CYLC1: variants seen among roughly 807,000 people sequenced by gnomAD.
CYLC1 encodes cylicin 1, also known as cylicin-1.
In CYLC1, 2 loss-of-function variants were observed where a neutral mutation model predicts 31.6. The ratio of observed to expected loss-of-function variants is 0.06; its 90% CI spans 0.03 to 0.20. The LOEUF (loss-of-function observed/expected upper bound fraction) is 0.20. Ranked by LOEUF, CYLC1 falls within the 10% of genes least tolerant of loss-of-function variation. CYLC1 has a pLI of 1.00. For missense variants in CYLC1, 595 were observed against 424.1 expected (o/e 1.40, Z -3.54); for synonymous variants, 185 against 153.0 (o/e 1.21, Z -1.54).
Position 83,871,494 on chromosome X carries a change from C to T in CYLC1, c.101C>T (p.Ala34Val). ...SRKSWNQKHF[A>V]LTFPKPLQRG... is the part of the protein sequence containing the mutation. ...AAATCATGGAATCAAAAACACTTTG[C>T]TTTGACATTTCCCAAACCACTCCAG... is the stretch of plus-strand genomic sequence containing the variant. The change falls in exon 3 of 5, where the codon GCT (alanine) becomes GTT (valine). Residue 34 changes from alanine to valine, a missense_variant. Physicochemically the swap from Ala to Val is moderately conservative, Grantham distance 64 (BLOSUM62 0). Coordinates refer to ENST00000329312, the MANE Select transcript of CYLC1 (RefSeq NM_021118.3). The T allele has an allele frequency of 8.3e-7, 1 of 1,204,336 alleles. No homozygotes were observed. Among genetic ancestry groups the T allele is most frequent in the East Asian group, 3.0e-5 (1 of 33,461 alleles).
chrX:83,877,847 T>C lies in CYLC1; in HGVS notation c.1923+3216T>C, dbSNP rs551744502. 1.5e-4 allele frequency among the ~76,000 whole-genome samples: 14 copies of C among 90,337 alleles called. No homozygotes were observed. The South Asian group carries it at 6.0e-3, about 38-fold the overall frequency. 78.4% of individuals were successfully genotyped at this position (90,337 alleles called of 115,157 possible). A position where few individuals can be genotyped will look rare whatever the true frequency, so the allele number is the denominator to read the frequency against. The stretch of plus-strand genomic sequence containing the variant: ...ATATTCAACATCAGAATTCAGGTTC[T>C]ATGCAGGCAGTGAATCTAGCCTGTT... On this transcript the variant is annotated intron_variant, in intron 4 of 4. Coordinates refer to ENST00000329312, the MANE Select transcript of CYLC1 (RefSeq NM_021118.3).
chrX:83,886,512 G>A, intron 4 of CYLC1, 40 bp from the exon 5 acceptor site: 7 of 1,180,595 alleles, frequency 5.9e-6, no homozygotes, highest in Non-Finnish European at 8.1e-6. Flanking sequence ...GACAAATAAA[G>A]CCTTTCTTTT....
chrX:83,873,498 T>C lies in CYLC1; in HGVS notation c.790T>C (p.Trp264Arg), dbSNP rs1055555117. 8.4e-6 allele frequency: 10 copies of C among 1,190,102 alleles called. No homozygotes were observed. The highest frequency in any genetic ancestry group is 1.0e-5 in the Non-Finnish European group (9 of 880,751). Reference protein sequence around the residue: ...SDDESINFDAWLRNYSQNNSK... With the variant: ...SDDESINFDARLRNYSQNNSK... ...TGATGAATCCATAAATTTTGATGCATGGTTAAGGAATTACTCACAGAATAA... is the reference window on the plus strand; with the variant it reads ...TGATGAATCCATAAATTTTGATGCACGGTTAAGGAATTACTCACAGAATAA... Residue 264 changes from tryptophan to arginine, a missense_variant, in exon 4 of 5, where the codon TGG becomes CGG. By Grantham distance (101) the Trp-to-Arg change is moderately radical. Coordinates refer to ENST00000329312, the MANE Select transcript of CYLC1 (RefSeq NM_021118.3).
At chrX:83,871,791 C>A (rs1248556210) in intron 3 of CYLC1, among the ~76,000 whole-genome samples, 3 of 110,531 alleles carry the variant, frequency 2.7e-5, no homozygotes, top group Non-Finnish European at 3.8e-5. Flanking sequence ...GCTGGAGAAC[C>A]TAATACTGCA....
At chrX:83,876,823 A>C (rs1435604630) in intron 4 of CYLC1, among the ~76,000 whole-genome samples, 1 of 110,929 alleles carries the variant, frequency 9.0e-6, no homozygotes, top group East Asian at 2.8e-4. Context: ...TCATTATTAA[A>C]AATTGGAATG....
chrX:83,866,354 C>T (rs922620156), intron 1 of CYLC1, among the ~76,000 whole-genome samples: 11 of 111,418 alleles, frequency 9.9e-5, no homozygotes, highest in African/African-American at 2.3e-4. Flanking sequence ...TCATCTACTG[C>T]GGCTTGAGAT....
rs535084581 is a variant in CYLC1 at position 83,880,847 on chromosome X, A to G, written c.1924-5705A>G. Among the ~76,000 whole-genome samples the G allele has an allele frequency of 3.6e-5, 4 of 111,583 alleles. No individual in the cohort carries two copies. The South Asian group carries it at 1.5e-3, about 42-fold the overall frequency. ...GTAAAAGAAACCAACGTATTAGAAC[A>G]TGTTTAGTTCAACAAATAAACCAAT... On this transcript the variant is annotated intron_variant, in intron 4 of 4. Coordinates refer to ENST00000329312, the MANE Select transcript of CYLC1 (RefSeq NM_021118.3).
chrX:83,865,567 A>G (rs1279991294), intron 1 of CYLC1, among the ~76,000 whole-genome samples: 7 of 111,895 alleles, frequency 6.3e-5, no homozygotes. Flanking sequence ...TCTGGAAGAC[A>G]TAAGTACAAA....
At position 83,873,592 on chromosome X, in the gene CYLC1, G is replaced by C. The variant is rs377756954; in HGVS notation, c.884G>C (p.Ser295Thr). Residue 295 changes from serine (S) to threonine (T), a missense_variant, in exon 4 of 5, where the codon AGC becomes ACC. Ser to Thr is a moderately conservative substitution (Grantham distance 58). Coordinates refer to ENST00000329312, the MANE Select transcript of CYLC1 (RefSeq NM_021118.3). ...GACACAAAAAAGAATGCAAAGAAAA[G>C]CTCTGATGCTGAATCTGAAGACTCA... ...KKDTKKNAKK[S>T]SDAESEDSKD... The C allele has an allele frequency of 1.7e-6, 2 of 1,189,707 alleles. No individual in the cohort carries two copies. Among genetic ancestry groups the C allele is most frequent in the Non-Finnish European group, 2.3e-6 (2 of 882,972 alleles).
At chrX:83,880,379 A>G (rs995410242) in intron 4 of CYLC1, among the ~76,000 whole-genome samples, 18 of 111,800 alleles carry the variant, frequency 1.6e-4, no homozygotes, top group Admixed American at 5.8e-4. Context: ...CATTGTGACA[A>G]TCAAGGTTTT....
At chrX:83,861,277 A>G (rs1443319272) in intron 1 of CYLC1, 78 bp downstream of exon 1, 1 of 701,714 alleles carries the variant, frequency 1.4e-6, no homozygotes, top group African/African-American at 2.2e-5. Flanking sequence ...TATATGTTTA[A>G]CTGTAAAGAA....
At chrX:83,870,434 G>A (rs1002258039) in intron 2 of CYLC1, among the ~76,000 whole-genome samples, 4 of 111,445 alleles carry the variant, frequency 3.6e-5, no homozygotes, top group Admixed American at 1.9e-4. Context: ...TGGGGCCAAA[G>A]TACCTGTGTT....
chrX:83,872,739 A>ACACACACG (rs2031686717), intron 3 of CYLC1, 147 bp from the exon 4 acceptor site: 1 of 418,856 alleles, frequency 2.4e-6, no homozygotes, highest in East Asian at 4.2e-5. Flanking sequence ...ACACACACAC[A>ACACACACG]CACACACACA....
chrX:83,871,617 A>C (rs1276629207), intron 3 of CYLC1, 47 bp downstream of exon 3: 1 of 1,097,452 alleles, frequency 9.1e-7, no homozygotes, highest in Non-Finnish European at 1.2e-6. Context: ...TAAGTTGGTA[A>C]AGCATATATA....
intron 4 of CYLC1, among the ~76,000 whole-genome samples, chrX:83,885,412 G>C (rs947627877): frequency 9.1e-6 from 1 of 109,719 alleles, no homozygotes; most frequent in African/African-American, 3.3e-5. Flanking sequence ...ATATATTGAC[G>C]ATGATTAGTA....
chrX:83,880,599 A>G (rs1417391437), intron 4 of CYLC1, among the ~76,000 whole-genome samples: 1 of 111,635 alleles, frequency 9.0e-6, no homozygotes, highest in Non-Finnish European at 1.9e-5. Context: ...AATCACTTGA[A>G]ATATTAAGTG....
chrX:83,870,863 T>A (rs560962641), intron 2 of CYLC1, among the ~76,000 whole-genome samples: 3 of 111,066 alleles, frequency 2.7e-5, no homozygotes, highest in Middle Eastern at 9.2e-3. Context: ...CTCAAGTATG[T>A]ATATGGCCTT....
intron 4 of CYLC1, among the ~76,000 whole-genome samples, chrX:83,884,766 CTG>C (rs1310266083): frequency 9.0e-6 from 1 of 110,965 alleles, no homozygotes; most frequent in Non-Finnish European, 1.9e-5. Flanking sequence ...TATTTTTTAA[CTG>C]TGTTACTGTG....
chrX:83,872,834 A>T, intron 3 of CYLC1, 52 bp from the exon 4 acceptor site: 1 of 895,774 alleles, frequency 1.1e-6, no homozygotes, highest in Non-Finnish European at 1.5e-6. Context: ...GTTTCAATAT[A>T]GAAAGATAAA....
Sources: allele counts gnomAD v4.1 joint callset (sites outside exome capture counted in the v4.1 genomes callset), GRCh38; gene constraint gnomAD v4.1.1; transcripts MANE v1.5; gene names NCBI Gene and HGNC (gene_info 2026-07-23, HGNC 2026-07-21).